The following GABRG3 variants were observed in gnomAD, a reference collection of about 807,000 sequenced individuals.
GABRG3 encodes the protein gamma-aminobutyric acid type A receptor subunit gamma3, also known as gamma-aminobutyric acid receptor subunit gamma-3.
GABRG3 carries 25 observed loss-of-function variants against 48.8 expected under a neutral mutation model. The ratio of observed to expected loss-of-function variants is 0.51; its 90% CI spans 0.37 to 0.72. The LOEUF (loss-of-function observed/expected upper bound fraction) is 0.72. Among genes scored for constraint, GABRG3 ranks in the 30% least tolerant of loss-of-function variants. The pLI is 0.00. For synonymous variants in GABRG3, 227 were observed against 217.6 expected (o/e 1.04, Z -0.38); for missense variants, 394 against 577.9 (o/e 0.68, Z 3.26).
At chr15:27,469,260 T>C (rs1246574930) in intron 5 of GABRG3, among the ~76,000 whole-genome samples, 1 of 148,128 alleles carries the variant, frequency 6.8e-6, no homozygotes, top group Non-Finnish European at 1.5e-5. Context: ...TTTTTTACAG[T>C]TGGCTTGTTT....
intron 2 of GABRG3, 79 bp from the exon 3 acceptor site, chr15:27,026,675 G>A: frequency 1.1e-6 from 1 of 950,446 alleles, no homozygotes; most frequent in South Asian, 1.7e-5. Context: ...TGCTATGTAT[G>A]AGACTTTAGG....
At chr15:27,028,973 T>A (rs1339771976) in intron 3 of GABRG3, among the ~76,000 whole-genome samples, 1 of 152,090 alleles carries the variant, frequency 6.6e-6, no homozygotes, top group African/African-American at 2.4e-5. Context: ...GCCGGGGGCA[T>A]TGTAAGCCCT....
chr15:26,978,692 G>T (rs1185859935), intron 2 of GABRG3, among the ~76,000 whole-genome samples: 1 of 151,564 alleles, frequency 6.6e-6, no homozygotes, highest in East Asian at 1.9e-4. Context: ...CTGTGTGTCT[G>T]TCACTCTGTC....
chr15:26,989,272 A>G (rs554439721), intron 2 of GABRG3, among the ~76,000 whole-genome samples: 1 of 152,234 alleles, frequency 6.6e-6, no homozygotes, highest in South Asian at 2.1e-4. Context: ...ATCATATTCT[A>G]TGTTTGTGTT....
At chr15:27,379,094 A>G (rs562286352) in intron 5 of GABRG3, among the ~76,000 whole-genome samples, 15 of 152,326 alleles carry the variant, frequency 9.8e-5, no homozygotes, top group African/African-American at 3.4e-4. Flanking sequence ...TCCAAAGAAG[A>G]ATTCAATCTT....
intron 5 of GABRG3, among the ~76,000 whole-genome samples, chr15:27,456,234 A>G (rs1442451922): frequency 6.6e-6 from 1 of 152,176 alleles, no homozygotes; most frequent in Non-Finnish European, 1.5e-5. Context: ...GTAGAAACCC[A>G]GGCCTCAAGT....
At chr15:27,278,968 C>T (rs1048127218) in intron 3 of GABRG3, among the ~76,000 whole-genome samples, 3 of 152,188 alleles carry the variant, frequency 2.0e-5, no homozygotes, top group African/African-American at 7.2e-5. Context: ...TCTGTGCCTC[C>T]TCTCCAGCCT....
At position 27,301,429 on chromosome 15, in the gene GABRG3, A is replaced by G. The variant is rs112939839; in HGVS notation, c.271-25380A>G. On this transcript the variant is annotated intron_variant, in intron 3 of 9. Transcript: ENST00000615808. ...TTATCTGGTTTCCTGCTAATGAAAC[A>G]CTTTGGTTATTTCTAGTTTTTCCTA... Among the ~76,000 whole-genome samples, 12 of 152,278 alleles carry G rather than the reference A, an allele frequency of 7.9e-5. 1 individual carries two copies. The highest frequency in any genetic ancestry group is 1.9e-4 in the African/African-American group (8 of 41,576).
At chr15:27,111,220 GTGT>G (rs1480714521) in intron 3 of GABRG3, among the ~76,000 whole-genome samples, 2 of 152,100 alleles carry the variant, frequency 1.3e-5, no homozygotes, top group Non-Finnish European at 2.9e-5. Flanking sequence ...TCTTGTGCGT[GTGT>G]TTTTTTAGTA....
intron 5 of GABRG3, among the ~76,000 whole-genome samples, chr15:27,461,991 T>C (rs1484543445): frequency 3.9e-5 from 6 of 152,194 alleles, no homozygotes; most frequent in Non-Finnish European, 8.8e-5. Context: ...ACATGCCCAT[T>C]GTCTGCCATG....
At chr15:27,305,600 T>A (rs1892383423) in intron 3 of GABRG3, among the ~76,000 whole-genome samples, 1 of 143,136 alleles carries the variant, frequency 7.0e-6, no homozygotes, top group South Asian at 2.1e-4. Context: ...AATATAAACC[T>A]ACATGTTTAT....
At chr15:27,069,165 T>C (rs66491257) in intron 3 of GABRG3, among the ~76,000 whole-genome samples, 31,938 of 152,240 alleles carry the variant, frequency 0.21, 3,504 homozygotes, top group Middle Eastern at 0.27. Flanking sequence ...CCTTGAGACA[T>C]GGGTCTGCTC....
At chr15:27,181,337 T>G (rs1293901951) in intron 3 of GABRG3, among the ~76,000 whole-genome samples, 1 of 152,168 alleles carries the variant, frequency 6.6e-6, no homozygotes, top group Non-Finnish European at 1.5e-5. Flanking sequence ...CTCTTACCCA[T>G]GCACACCTTT....
intron 3 of GABRG3, among the ~76,000 whole-genome samples, chr15:27,268,926 C>G (rs1251623446): frequency 6.6e-6 from 1 of 152,166 alleles, no homozygotes; most frequent in East Asian, 1.9e-4. Flanking sequence ...TAGGGGTCAC[C>G]TCCTTTGATT....
chr15:27,386,980 A>G (rs1895942297), intron 5 of GABRG3, among the ~76,000 whole-genome samples: 1 of 152,230 alleles, frequency 6.6e-6, no homozygotes, highest in South Asian at 2.1e-4. Context: ...TACTGTGCAT[A>G]TAAAAGTTGC....
At chr15:27,312,739 C>T (rs1237622975) in intron 3 of GABRG3, among the ~76,000 whole-genome samples, 1 of 152,000 alleles carries the variant, frequency 6.6e-6, no homozygotes, top group Admixed American at 6.6e-5. Context: ...TGAGAAAGTT[C>T]ATCACTACTA....
chr15:27,381,929 T>C (rs943712929), intron 5 of GABRG3, among the ~76,000 whole-genome samples: 16 of 152,298 alleles, frequency 1.1e-4, no homozygotes, highest in Admixed American at 7.8e-4. Flanking sequence ...TTTTCACGTG[T>C]GTAAATCTGC....
intron 3 of GABRG3, among the ~76,000 whole-genome samples, chr15:27,316,564 G>A (rs77721650): frequency 0.037 from 5,621 of 152,144 alleles, 278 homozygotes; most frequent in African/African-American, 0.11. Context: ...GTAACTGCAC[G>A]GTAAATGTCA....
chr15:27,088,446 T>C (rs948675795), intron 3 of GABRG3, among the ~76,000 whole-genome samples: 2 of 152,068 alleles, frequency 1.3e-5, no homozygotes, highest in African/African-American at 4.8e-5. Context: ...TCTGGCCAAC[T>C]GGGGAGGCTG....
Sources: gnomAD v4.1 joint callset for allele counts (sites outside exome capture counted in the v4.1 genomes callset) on GRCh38, gnomAD v4.1.1 for gene constraint, MANE v1.5 for transcripts, NCBI Gene and HGNC (gene_info 2026-07-23, HGNC 2026-07-21) for gene names.